INPP5A: variants seen among roughly 807,000 people sequenced by gnomAD.
The protein encoded by INPP5A is inositol polyphosphate-5-phosphatase A.
INPP5A carries 14 observed loss-of-function variants against 65.2 expected under a neutral mutation model. That is an observed-to-expected ratio of 0.21 (90% CI 0.14 to 0.34). INPP5A has a LOEUF of 0.34. Ranked by LOEUF, INPP5A falls within the 10% of genes least tolerant of loss-of-function variation. The pLI, the probability that INPP5A is intolerant of heterozygous loss-of-function variation, is 1.00. For missense variants in INPP5A, 431 were observed against 545.6 expected, an observed-to-expected ratio of 0.79 and a Z score of 2.09; for synonymous variants, 207 against 208.3, an observed-to-expected ratio of 0.99 and a Z score of 0.05.
At chr10:132,652,348 C>T (rs145004936) in intron 4 of INPP5A, among the ~76,000 whole-genome samples, 153 of 152,316 alleles carry the variant, frequency 1.0e-3, no homozygotes, top group African/African-American at 3.4e-3. Flanking sequence ...TGTCCTAACA[C>T]GTGTGGCTGC....
intron 8 of INPP5A, among the ~76,000 whole-genome samples, chr10:132,720,907 G>A (rs1320623779): frequency 5.6e-5 from 8 of 144,088 alleles, no homozygotes; most frequent in South Asian, 2.4e-4. Context: ...CGCCTTAGAC[G>A]GCTGTCTTGC....
intron 4 of INPP5A, among the ~76,000 whole-genome samples, chr10:132,687,215 A>G (rs1455195395): frequency 6.6e-6 from 1 of 152,224 alleles, no homozygotes; most frequent in East Asian, 1.9e-4. Context: ...AAGTGCTGGT[A>G]TTACAGGCGT....
At chr10:132,565,855 GTGTT>G (rs1281385163) in intron 1 of INPP5A, among the ~76,000 whole-genome samples, 4 of 152,144 alleles carry the variant, frequency 2.6e-5, no homozygotes, top group Admixed American at 1.3e-4. Context: ...ATGTGTGTGT[GTGTT>G]TGTGTGTGCC....
intron 1 of INPP5A, among the ~76,000 whole-genome samples, chr10:132,553,925 T>G (rs1429886514): frequency 1.3e-5 from 2 of 148,680 alleles, no homozygotes; most frequent in African/African-American, 2.5e-5. Flanking sequence ...AGAGCCTTGG[T>G]GGAATATTGG....
At chr10:132,596,769 ATG>A (rs1177211287) in intron 1 of INPP5A, among the ~76,000 whole-genome samples, 3 of 151,626 alleles carry the variant, frequency 2.0e-5, no homozygotes, top group East Asian at 3.9e-4. Flanking sequence ...GTATGCATGC[ATG>A]TGTGTTTGTG....
At chr10:132,685,334 A>C (rs2073101348) in intron 4 of INPP5A, among the ~76,000 whole-genome samples, 1 of 152,094 alleles carries the variant, frequency 6.6e-6, no homozygotes, top group South Asian at 2.1e-4. Flanking sequence ...CACGCCCGCG[A>C]CGCGGTTGGA....
At chr10:132,583,157 A>T (rs1247321214) in intron 1 of INPP5A, among the ~76,000 whole-genome samples, 1 of 152,122 alleles carries the variant, frequency 6.6e-6, no homozygotes, top group East Asian at 1.9e-4. Context: ...TTGTAAATGA[A>T]TTGTTACGTA....
chr10:132,771,691 A>G (rs61860774), intron 12 of INPP5A, among the ~76,000 whole-genome samples: 153 of 86,028 alleles, frequency 1.8e-3, no homozygotes, highest in Non-Finnish European at 2.7e-3. Flanking sequence ...GCACTGACAC[A>G]GAGGCCACGG....
intron 7 of INPP5A, among the ~76,000 whole-genome samples, chr10:132,709,984 C>T (rs1269118310): frequency 6.6e-6 from 1 of 152,246 alleles, no homozygotes; most frequent in Non-Finnish European, 1.5e-5. Context: ...ATGGGTGCAG[C>T]CGGCAGCCCT....
In INPP5A at chr10:132,628,687, A is replaced by G. The variant is rs536925608; in HGVS notation, c.118-17181A>G. Among the ~76,000 whole-genome samples the G allele has an allele frequency of 5.9e-5, 9 of 152,320 alleles. No individual in the cohort carries two copies. The South Asian group carries it at 1.9e-3, about 32-fold the overall frequency. On this transcript the variant is annotated intron_variant, in intron 2 of 15. Coordinates refer to ENST00000368594, the MANE Select transcript of INPP5A (RefSeq NM_005539.5). ...TGGGAATATATTTTTAAAAACAACA[A>G]TAGGCTGGTTTAACAATTTTTATAA... is the stretch of plus-strand genomic sequence containing the variant.
At chr10:132,734,492 G>A (rs530906278) in intron 9 of INPP5A, among the ~76,000 whole-genome samples, 2 of 152,368 alleles carry the variant, frequency 1.3e-5, no homozygotes, top group Admixed American at 1.3e-4. Flanking sequence ...GTTTCCAGCT[G>A]CTCAGCTGAG....
chr10:132,763,786 C>T (rs547392554), intron 11 of INPP5A, among the ~76,000 whole-genome samples: 4 of 152,198 alleles, frequency 2.6e-5, no homozygotes, highest in Non-Finnish European at 5.9e-5. Context: ...TAAACACATG[C>T]CTGCATGCAA....
chr10:132,607,918 G>A lies in INPP5A; in HGVS notation c.79G>A (p.Glu27Lys), dbSNP rs1396391361. The change falls in exon 2 of 16, where the codon GAA (glutamate) becomes AAA (lysine). Residue 27 changes from glutamate to lysine, a missense_variant. Glu to Lys is a moderately conservative substitution (Grantham distance 56, BLOSUM62 1). Transcript: ENST00000368594. ...TCTTTTTCTTCTTAATTTACAGCCA[G>A]AAAACCTGCAGAAGAACTGGCTTCG... is the stretch of plus-strand genomic sequence containing the variant. The part of the protein sequence containing the change: ...ANVGSLFDDP[E>K]NLQKNWLREF... 3 of 1,610,132 alleles carry A rather than the reference G, an allele frequency of 1.9e-6. No homozygotes were observed. The highest frequency in any genetic ancestry group is 2.5e-6 in the Non-Finnish European group (3 of 1,179,946).
chr10:132,683,838 C>G (rs1403821409), intron 4 of INPP5A, among the ~76,000 whole-genome samples: 2 of 152,146 alleles, frequency 1.3e-5, no homozygotes, highest in African/African-American at 4.8e-5. Context: ...CCTCAGCCTC[C>G]CAAGTAGCTG....
At position 132,549,592 on chromosome 10, in the gene INPP5A, C is replaced by T. The variant is rs1188593388; in HGVS notation, c.75+11421C>T. ...GGGATGCGAGGCCTCTGCTACGAGG[C>T]TCCCGCTTGCCTGGCAGGTGGCAGG... On this transcript the variant is annotated intron_variant, in intron 1 of 15. Transcript: ENST00000368594. This position sits in a 1 kb window ranked among gnomAD's most constrained non-coding sequence, Gnocchi z 4.9. Among the ~76,000 whole-genome samples the T allele has an allele frequency of 6.6e-6, 1 of 152,248 alleles. No individual in the cohort carries two copies. Among genetic ancestry groups the T allele is most frequent in the East Asian group, 1.9e-4 (1 of 5,200 alleles).
At chr10:132,737,841 G>A (rs1287260686) in intron 9 of INPP5A, among the ~76,000 whole-genome samples, 3 of 152,000 alleles carry the variant, frequency 2.0e-5, no homozygotes, top group Admixed American at 1.3e-4. Context: ...TTTCTATATA[G>A]GGCCTATGAC....
At chr10:132,677,784 G>A (rs952748435) in intron 4 of INPP5A, among the ~76,000 whole-genome samples, 2 of 152,204 alleles carry the variant, frequency 1.3e-5, no homozygotes, top group Admixed American at 6.5e-5. Context: ...ATGAAGGCCC[G>A]GTCCTTCCTG....
chr10:132,652,812 CG>C lies in INPP5A; in HGVS notation c.306+2311del, dbSNP rs1590896911. Reference sequence around the variant, plus strand: ...GGTGCCCTCAGAACGAGCGTGTTGTCGGGGCTGAGAGCGGTCATTTCACGAT... The same window carrying C: ...GGTGCCCTCAGAACGAGCGTGTTGTCGGGCTGAGAGCGGTCATTTCACGAT... On this transcript the variant is annotated intron_variant, in intron 4 of 15. Coordinates refer to ENST00000368594, the MANE Select transcript of INPP5A (RefSeq NM_005539.5). Among the ~76,000 whole-genome samples, 5 of 152,314 alleles carry C rather than the reference CG, an allele frequency of 3.3e-5. No individual in the cohort carries two copies. The East Asian group carries it at 9.6e-4, about 29-fold the overall frequency.
intron 1 of INPP5A, among the ~76,000 whole-genome samples, chr10:132,606,796 C>T (rs752481987): frequency 1.3e-4 from 20 of 152,188 alleles, no homozygotes; most frequent in East Asian, 1.9e-4. Context: ...GCTTTAGTCC[C>T]GATGGGAGCG....
Sources: allele counts gnomAD v4.1 joint callset (sites outside exome capture counted in the v4.1 genomes callset), GRCh38; gene constraint gnomAD v4.1.1; non-coding constraint Gnocchi (gnomAD v3.1); transcripts MANE v1.5; gene names NCBI Gene and HGNC (gene_info 2026-07-23, HGNC 2026-07-21).